Variants in FRMD5 observed in about 807,000 individuals in gnomAD.
FRMD5 encodes FERM domain-containing protein 5.
Under a neutral mutation model 69.0 loss-of-function variants are expected in FRMD5, and 20 were observed. That is an observed-to-expected ratio of 0.29 (90% CI 0.20 to 0.42). The LOEUF (loss-of-function observed/expected upper bound fraction) is 0.42, where lower values mean the gene tolerates loss of function less well. Ranked by LOEUF, FRMD5 falls within the 10% of genes least tolerant of loss-of-function variation. FRMD5 has a pLI of 1.00. For synonymous variants in FRMD5, 271 were observed against 260.1 expected (o/e 1.04, Z -0.40); for missense variants, 595 against 708.6 (o/e 0.84, Z 1.82).
At chr15:44,052,296 C>T (rs1316536773) in intron 1 of FRMD5, among the ~76,000 whole-genome samples, 1 of 152,128 alleles carries the variant, frequency 6.6e-6, no homozygotes, top group Non-Finnish European at 1.5e-5. Context: ...GGAGCTCTTT[C>T]AGTTGGATCC....
chr15:44,007,933 T>G (rs949315016), intron 1 of FRMD5, among the ~76,000 whole-genome samples: 4 of 151,992 alleles, frequency 2.6e-5, no homozygotes, highest in African/African-American at 9.7e-5. Context: ...CGTGAGCCAC[T>G]GCGCCTGGCT....
intron 1 of FRMD5, among the ~76,000 whole-genome samples, chr15:44,079,589 T>C (rs891474621): frequency 6.6e-6 from 1 of 152,100 alleles, no homozygotes; most frequent in African/African-American, 2.4e-5. Context: ...ACCCATATGA[T>C]CTAGCAATTG....
intron 1 of FRMD5, among the ~76,000 whole-genome samples, chr15:44,144,904 G>A (rs1437042777): frequency 6.6e-6 from 1 of 152,164 alleles, no homozygotes; most frequent in Non-Finnish European, 1.5e-5. Context: ...GGTCCTAAGT[G>A]CAGGGTTGGT....
At chr15:43,991,397 C>T (rs530770063) in intron 1 of FRMD5, among the ~76,000 whole-genome samples, 31 of 152,280 alleles carry the variant, frequency 2.0e-4, no homozygotes, top group African/African-American at 6.5e-4. Context: ...CCCACAGCAT[C>T]GGTGCATCCA....
chr15:43,887,369 G>A (rs1256691712), intron 10 of FRMD5, among the ~76,000 whole-genome samples: 2 of 152,208 alleles, frequency 1.3e-5, no homozygotes, highest in Non-Finnish European at 2.9e-5. Flanking sequence ...CACAGGCAAA[G>A]GGAGGGTGGT....
At position 43,888,854 on chromosome 15, in the gene FRMD5, C is replaced by T; in HGVS notation, c.747G>A (p.Leu249=). Residue 249 remains leucine (L), a synonymous_variant, in exon 9 of 14, where the codon CTG becomes CTA. Transcript: ENST00000417257. ...HFIKWNEVTK[L]KFEGKTFYLY... is the part of the protein sequence containing the mutation. ...AATAGAAAGTCTTTCCTTCAAATTT[C>T]AGCTTGGTCACCTCATTCCTAGAAG... 6.2e-7 allele frequency: 1 copy of T among 1,614,068 alleles called. No individual in the cohort carries two copies. Among genetic ancestry groups the T allele is most frequent in the Non-Finnish European group, 8.5e-7 (1 of 1,179,934 alleles).
chr15:43,883,095 C>T (rs894533907), intron 13 of FRMD5, among the ~76,000 whole-genome samples: 1 of 151,836 alleles, frequency 6.6e-6, no homozygotes, highest in Admixed American at 6.6e-5. Context: ...TGCGCCAGCC[C>T]CTTTTTTTAA....
intron 1 of FRMD5, among the ~76,000 whole-genome samples, chr15:44,142,423 T>C (rs565704938): frequency 1.3e-5 from 2 of 152,318 alleles, no homozygotes; most frequent in South Asian, 2.1e-4. Flanking sequence ...TTGTACATCT[T>C]CTCTCAGATG....
At chr15:44,097,838 C>A (rs1595717177) in intron 1 of FRMD5, among the ~76,000 whole-genome samples, 1 of 152,148 alleles carries the variant, frequency 6.6e-6, no homozygotes, top group East Asian at 1.9e-4. Flanking sequence ...CAATAGCAGC[C>A]TGACAAACTG....
At chr15:44,056,963 T>A (rs1892894173) in intron 1 of FRMD5, among the ~76,000 whole-genome samples, 1 of 152,154 alleles carries the variant, frequency 6.6e-6, no homozygotes, top group Non-Finnish European at 1.5e-5. Context: ...CAAACTTGGA[T>A]GAAATCCTTC....
chr15:44,089,699 C>T (rs916626568), intron 1 of FRMD5, among the ~76,000 whole-genome samples: 2 of 151,500 alleles, frequency 1.3e-5, no homozygotes, highest in Non-Finnish European at 2.9e-5. Context: ...CCAGATCCTA[C>T]GTCAAAAAAA....
intron 4 of FRMD5, among the ~76,000 whole-genome samples, chr15:43,911,576 G>C (rs935299823): frequency 6.6e-6 from 1 of 152,200 alleles, no homozygotes; most frequent in African/African-American, 2.4e-5. Flanking sequence ...CCTCGTGATT[G>C]ACCCTGAGCC....
At chr15:44,165,646 G>A (rs2077696455) in intron 1 of FRMD5, among the ~76,000 whole-genome samples, 1 of 152,046 alleles carries the variant, frequency 6.6e-6, no homozygotes, top group East Asian at 1.9e-4. Flanking sequence ...AACCAGCCTG[G>A]GCAACATGGT....
chr15:43,963,910 GT>G (rs2090248337), intron 1 of FRMD5, among the ~76,000 whole-genome samples: 1 of 152,108 alleles, frequency 6.6e-6, no homozygotes. Flanking sequence ...CTGTTGTGGG[GT>G]TAGGGGAGGG....
chr15:43,964,874 G>T (rs1250218527), intron 1 of FRMD5, among the ~76,000 whole-genome samples: 4 of 152,186 alleles, frequency 2.6e-5, no homozygotes, highest in Non-Finnish European at 5.9e-5. Context: ...ATAGCCCACA[G>T]TTCAGAAGAC....
rs1421079550 is a variant in FRMD5 at position 43,874,177 on chromosome 15, G to T, written c.1421C>A (p.Ala474Asp). Residue 474 changes from alanine to aspartate, a missense_variant, in exon 14 of 14, where the codon GCC becomes GAC. Ala to Asp is a moderately radical substitution (Grantham distance 126). Around this residue, in one of 5 missense-constraint regions of FRMD5, gnomAD observed 245 missense variants for 227.1 expected, o/e 1.08. Coordinates refer to ENST00000417257, the MANE Select transcript of FRMD5 (RefSeq NM_032892.5). Reference protein sequence around the residue: ...ASTPTATEVEALGGELRALCQ... With the variant: ...ASTPTATEVEDLGGELRALCQ... Reference sequence around the variant, plus strand: ...CAGGGCCCTCAGCTCTCCCCCAAGGGCCTCCACCTCTGTAGCAGTTGGGGT... The same window carrying T: ...CAGGGCCCTCAGCTCTCCCCCAAGGTCCTCCACCTCTGTAGCAGTTGGGGT... 2.5e-6 allele frequency: 4 copies of T among 1,614,196 alleles called. No individual in the cohort carries two copies. The East Asian group carries it at 8.9e-5, about 36-fold the overall frequency.
At chr15:43,983,422 A>G (rs759824888) in intron 1 of FRMD5, among the ~76,000 whole-genome samples, 1 of 151,752 alleles carries the variant, frequency 6.6e-6, no homozygotes, top group Non-Finnish European at 1.5e-5. Flanking sequence ...GGCTGTGAGG[A>G]TTTTTTTTCA....
intron 1 of FRMD5, among the ~76,000 whole-genome samples, chr15:44,172,848 A>G (rs2077828286): frequency 6.6e-6 from 1 of 152,242 alleles, no homozygotes; most frequent in Non-Finnish European, 1.5e-5. Context: ...AGAAAAGGAA[A>G]TAACACTAAA....
chr15:44,027,639 GTTTTTTTTTTTGTT>G (rs1350261100), intron 1 of FRMD5, among the ~76,000 whole-genome samples: 1 of 27,070 alleles, frequency 3.7e-5, no homozygotes, highest in African/African-American at 5.8e-5. Flanking sequence ...TTCTTTTCTA[GTTTTTTTTTTTGTT>G]TTTTTTTTTT....
Sources: gnomAD v4.1 joint callset for allele counts (sites outside exome capture counted in the v4.1 genomes callset) on GRCh38, gnomAD v4.1.1 for gene constraint, gnomAD v4.1.1 regional missense constraint, MANE v1.5 for transcripts, NCBI Gene and HGNC (gene_info 2026-07-23, HGNC 2026-07-21) for gene names.